Variants in SLC26A11 observed in about 807,000 individuals in gnomAD.
SLC26A11 encodes sodium-independent sulfate anion transporter.
SLC26A11 carries 58 observed loss-of-function variants against 62.2 expected under a neutral mutation model. That is an observed-to-expected ratio of 0.93 (90% CI 0.76 to 1.16). The LOEUF (loss-of-function observed/expected upper bound fraction) is 1.16, where lower values mean the gene tolerates loss of function less well. Ranked by LOEUF, SLC26A11 falls within the 50% of genes most tolerant of loss-of-function variation. The pLI, the probability that SLC26A11 is intolerant of heterozygous loss-of-function variation, is 0.00. For synonymous variants in SLC26A11, 411 were observed against 368.9 expected, an observed-to-expected ratio of 1.11 and a Z score of -1.31; for missense variants, 790 against 794.3, an observed-to-expected ratio of 0.99 and a Z score of 0.06.
chr17:80,242,944 T>G (rs2042903493), intron 10 of SLC26A11, among the ~76,000 whole-genome samples: 1 of 152,126 alleles, frequency 6.6e-6, no homozygotes, highest in Non-Finnish European at 1.5e-5. Context: ...CCTGACCTCG[T>G]GATCCGCCTG....
At chr17:80,226,902 T>TC (rs1388421045) in intron 6 of SLC26A11, among the ~76,000 whole-genome samples, 1 of 152,074 alleles carries the variant, frequency 6.6e-6, no homozygotes, top group Non-Finnish European at 1.5e-5. Context: ...CATCTTCCCC[T>TC]CCCCTCTGAT....
Position 80,248,671 on chromosome 17 carries a change from G to GAAGGTGCATGGGCGGGGGTC in SLC26A11, c.1522+4_1522+23dup, listed in dbSNP as rs1567968498. The GAAGGTGCATGGGCGGGGGTC allele has an allele frequency of 1.3e-6, 2 of 1,568,370 alleles. No individual in the cohort carries two copies. The highest frequency in any genetic ancestry group is 1.7e-6 in the Non-Finnish European group (2 of 1,156,528). ...GGAGGAGATCCTAAGCCGGGCCCTG[G>GAAGGTGCATGGGCGGGGGTC]AAGGTGCATGGGCGGGGGTCAAGGT... On this transcript the variant is annotated frameshift_variant, in exon 15 of 18. Coordinates refer to ENST00000361193, the MANE Select transcript of SLC26A11 (RefSeq NM_001166347.2). LOFTEE classifies it high-confidence loss of function.
In SLC26A11 at chr17:80,246,283, C is replaced by T. The variant is rs1459520862; in HGVS notation, c.1153+74C>T. 3.2e-6 allele frequency: 5 copies of T among 1,546,212 alleles called. No homozygotes were observed. The highest frequency in any genetic ancestry group is 2.2e-5 in the East Asian group (1 of 44,568). On this transcript the variant is annotated intron_variant, in intron 12 of 17. Transcript: ENST00000361193. The surrounding 1 kb of genome is among the most constrained non-coding windows in gnomAD (Gnocchi z 4.4). ...AAAGGGAGGAGGGGGCCCACAGAGA[C>T]GTCCCTTTGGCTCATGGGCCGTGCG...
At position 80,223,381 on chromosome 17, in the gene SLC26A11, T is replaced by A; in HGVS notation, c.513+44T>A. On this transcript the variant is annotated intron_variant, in intron 5 of 17. Coordinates refer to ENST00000361193, the MANE Select transcript of SLC26A11 (RefSeq NM_001166347.2). This position sits in a 1 kb window ranked among gnomAD's most constrained non-coding sequence, Gnocchi z 4.6. ...CAGGGCACTGCTCTTTGGCCACTGC[T>A]CGTTGGCACAGGGATGGCGGGAGCA... 1 of 1,582,146 alleles carries A rather than the reference T, an allele frequency of 6.3e-7. No homozygotes were observed.
At chr17:80,237,218 T>C in intron 8 of SLC26A11, 115 bp downstream of exon 8, 1 of 1,257,872 alleles carries the variant, frequency 7.9e-7, no homozygotes, top group Non-Finnish European at 1.1e-6. Context: ...TTAGGACAGC[T>C]GAGTCCTCAG....
Position 80,248,566 on chromosome 17 carries a change from T to G in SLC26A11, c.1423-9T>G. ...CAGACCCGCCTCCAGGACTCACTCCTCCCCACAGGTGTCAGAGGGGCCGGT... is the reference window on the plus strand; with the variant it reads ...CAGACCCGCCTCCAGGACTCACTCCGCCCCACAGGTGTCAGAGGGGCCGGT... On this transcript the variant is annotated splice_polypyrimidine_tract_variant and intron_variant, in intron 14 of 17. Transcript: ENST00000361193. The G allele has an allele frequency of 1.3e-6, 2 of 1,568,570 alleles. No individual in the cohort carries two copies. Among genetic ancestry groups the G allele is most frequent in the East Asian group, 4.7e-5 (2 of 42,164 alleles).
chr17:80,234,186 G>A (rs1332096755), intron 7 of SLC26A11, among the ~76,000 whole-genome samples: 2 of 151,382 alleles, frequency 1.3e-5, no homozygotes, highest in African/African-American at 4.9e-5. Context: ...TGTACTTTTA[G>A]CAGAGATGGG....
chr17:80,246,047 C>A lies in SLC26A11; in HGVS notation c.1098-107C>A. ...TTGCAGTCCCCGCCTGCTTCCCAAG[C>A]CGTGCTGGGAGCTGACGTCCCCTCG... On this transcript the variant is annotated intron_variant, in intron 11 of 17. Coordinates refer to ENST00000361193, the MANE Select transcript of SLC26A11 (RefSeq NM_001166347.2). The surrounding 1 kb of genome is among the most constrained non-coding windows in gnomAD (Gnocchi z 4.4). 1 of 1,360,434 alleles carries A rather than the reference C, an allele frequency of 7.4e-7. No individual in the cohort carries two copies. The highest frequency in any genetic ancestry group is 1.1e-6 in the Non-Finnish European group (1 of 952,066). 84.3% of individuals were successfully genotyped at this position (1,360,434 alleles called of 1,614,324 possible).
chr17:80,251,239 G>C, intron 16 of SLC26A11, 90 bp from the exon 17 acceptor site: 3 of 1,612,580 alleles, frequency 1.9e-6, no homozygotes, highest in Non-Finnish European at 2.5e-6. Context: ...ACCTCTCCGG[G>C]AGACTCTGAG....
In SLC26A11 at chr17:80,223,416, C is replaced by A; in HGVS notation, c.513+79C>A. 7.5e-7 allele frequency: 1 copy of A among 1,336,080 alleles called. No homozygotes were observed. The highest frequency in any genetic ancestry group is 1.1e-6 in the Non-Finnish European group (1 of 940,526). The allele number at this position is 1,336,080 out of a possible 1,614,324, so 82.8% of individuals were successfully genotyped here. ...AGGGATGGCGGGAGCAGGACTGAGG[C>A]CAGTCCTGATCCCTGTGGCCAGTGG... On this transcript the variant is annotated intron_variant, in intron 5 of 17. Coordinates refer to ENST00000361193, the MANE Select transcript of SLC26A11 (RefSeq NM_001166347.2). The surrounding 1 kb of genome is among the most constrained non-coding windows in gnomAD (Gnocchi z 4.6).
Position 80,246,523 on chromosome 17 carries a change from C to G in SLC26A11, c.1168C>G (p.Leu390Val), listed in dbSNP as rs1220144082. Reference protein sequence around the residue: ...GGLVTGVLVLLSLDYLTSLFY... With the variant: ...GGLVTGVLVLVSLDYLTSLFY... ...GTGCCCCGCAGGAGTGCTGGTGCTG[C>G]TGTCTCTGGACTACCTGACCTCACT... is the stretch of plus-strand genomic sequence containing the variant. Residue 390 changes from leucine to valine, a missense_variant, in exon 13 of 18, where the codon CTG becomes GTG. Leu to Val is a conservative substitution (Grantham distance 32). Transcript: ENST00000361193. The surrounding 1 kb of genome is among the most constrained non-coding windows in gnomAD (Gnocchi z 4.4). The G allele has an allele frequency of 6.2e-7, 1 of 1,612,262 alleles. No homozygotes were observed. Among genetic ancestry groups the G allele is most frequent in the East Asian group, 2.2e-5 (1 of 44,884 alleles).
At chr17:80,220,546 A>T (rs2144836729) in intron 1 of SLC26A11, 50 bp downstream of exon 1, 4 of 403,504 alleles carry the variant, frequency 9.9e-6, no homozygotes, top group Non-Finnish European at 8.7e-6. Context: ...GGGCAGGGGG[A>T]GCGGACAGTG....
At chr17:80,249,362 T>C in intron 16 of SLC26A11, 75 bp downstream of exon 16, 1 of 1,566,886 alleles carries the variant, frequency 6.4e-7, no homozygotes, top group Non-Finnish European at 8.6e-7. Flanking sequence ...CCATGGCGAA[T>C]GTGACATCTC....
At chr17:80,221,446 C>A in intron 2 of SLC26A11, 102 bp from the exon 3 acceptor site, 1 of 793,566 alleles carries the variant, frequency 1.3e-6, no homozygotes, top group Non-Finnish European at 1.9e-6. Flanking sequence ...GGAGGGGAGA[C>A]CCATAGTGAC....
At chr17:80,224,308 T>TGA (rs746099228) in intron 5 of SLC26A11, among the ~76,000 whole-genome samples, 4 of 128,874 alleles carry the variant, frequency 3.1e-5, no homozygotes, top group East Asian at 2.0e-4. Flanking sequence ...CGTGTGTGTG[T>TGA]GAGAGAGTGT....
Position 80,246,432 on chromosome 17 carries a change from C to T in SLC26A11, c.1154-77C>T. 6.3e-7 allele frequency: 1 copy of T among 1,581,462 alleles called. No homozygotes were observed. The highest frequency in any genetic ancestry group is 1.3e-5 in the African/African-American group (1 of 74,702). On this transcript the variant is annotated intron_variant, in intron 12 of 17. Coordinates refer to ENST00000361193, the MANE Select transcript of SLC26A11 (RefSeq NM_001166347.2). This position sits in a 1 kb window ranked among gnomAD's most constrained non-coding sequence, Gnocchi z 4.4. ...CCACCCCTGTCCCCAGTGGGCTCTG[C>T]TGAACAAGAGGCTGCTACGCTGCGT... is the stretch of plus-strand genomic sequence containing the variant.
At chr17:80,232,172 C>A (rs897996086) in intron 7 of SLC26A11, among the ~76,000 whole-genome samples, 1 of 151,694 alleles carries the variant, frequency 6.6e-6, no homozygotes. Flanking sequence ...TTTTTCTGGG[C>A]AATATTCTCT....
At position 80,253,337 on chromosome 17, in the gene SLC26A11, C is replaced by T. The variant is rs1238763121; in HGVS notation, c.*621C>T. The stretch of plus-strand genomic sequence containing the variant: ...TCCACTTGGGTGATCATTCCAGACC[C>T]CTCCCCAAACATGCATATGTACCTG... On this transcript the variant is annotated 3_prime_UTR_variant, in exon 18 of 18. Transcript: ENST00000361193. 1 of 152,272 alleles carries T rather than the reference C, an allele frequency of 6.6e-6. No homozygotes were observed. Among genetic ancestry groups the T allele is most frequent in the Non-Finnish European group, 1.5e-5 (1 of 68,130 alleles). 9.4% of individuals were successfully genotyped at this position (152,272 alleles called of 1,614,324 possible). A position where few individuals can be genotyped will look rare whatever the true frequency, so the allele number is the denominator to read the frequency against.
rs1598810535 is a variant in SLC26A11 at position 80,233,389 on chromosome 17, C to T, written c.737-3539C>T. Among the ~76,000 whole-genome samples the T allele has an allele frequency of 4.6e-5, 7 of 152,216 alleles. 1 individual carries two copies. In the South Asian group the frequency reaches 1.5e-3, roughly 32 times the overall value. ...AAGTGATGCTCCTGCCTCAGCCAACCAAAGTGCTGAGATTGCAGATGTGAG... is the reference window on the plus strand; with the variant it reads ...AAGTGATGCTCCTGCCTCAGCCAACTAAAGTGCTGAGATTGCAGATGTGAG... On this transcript the variant is annotated intron_variant, in intron 7 of 17. Transcript: ENST00000361193.
Sources: gnomAD v4.1 joint callset for allele counts (sites outside exome capture counted in the v4.1 genomes callset) on GRCh38, gnomAD v4.1.1 for gene constraint, Gnocchi (gnomAD v3.1) non-coding constraint, MANE v1.5 for transcripts, NCBI Gene and HGNC (gene_info 2026-07-23, HGNC 2026-07-21) for gene names.